The following ZC3H14 variants were observed in gnomAD, a reference collection of about 807,000 sequenced individuals.
ZC3H14 encodes zinc finger CCCH-type containing 14.
In ZC3H14, 31 loss-of-function variants were observed where a neutral mutation model predicts 92.4. That is an observed-to-expected ratio of 0.34 (90% confidence interval 0.25 to 0.45). The LOEUF (loss-of-function observed/expected upper bound fraction) is 0.45. Ranked by LOEUF, ZC3H14 falls within the 20% of genes least tolerant of loss-of-function variation. ZC3H14 has a pLI of 1.00. For missense variants in ZC3H14, 781 were observed against 897.3 expected, an observed-to-expected ratio of 0.87 and a Z score of 1.66; for synonymous variants, 321 against 300.9, an observed-to-expected ratio of 1.07 and a Z score of -0.69.
intron 9 of ZC3H14, among the ~76,000 whole-genome samples, chr14:88,586,353 A>G (rs1419791989): frequency 6.6e-6 from 1 of 152,156 alleles, no homozygotes; most frequent in Non-Finnish European, 1.5e-5. Flanking sequence ...TGGAAGTTTC[A>G]CTGAAACATG....
At chr14:88,595,918 C>G (rs1025924713) in intron 9 of ZC3H14, among the ~76,000 whole-genome samples, 8 of 152,278 alleles carry the variant, frequency 5.3e-5, no homozygotes, top group African/African-American at 1.9e-4. Context: ...TTATAATGAG[C>G]AAGTGAGTGC....
chr14:88,583,825 T>G (rs1220080967), intron 9 of ZC3H14, among the ~76,000 whole-genome samples: 2 of 152,246 alleles, frequency 1.3e-5, no homozygotes, highest in African/African-American at 4.8e-5. Flanking sequence ...TAGATAAAGC[T>G]CTACTGTTAA....
At position 88,594,477 on chromosome 14, in the gene ZC3H14, C is replaced by T. The variant is rs535701617; in HGVS notation, c.1280-2257C>T. On this transcript the variant is annotated intron_variant, in intron 9 of 16. Transcript: ENST00000251038. ...ACGTATTAGGGCTTCTTAGTTGTAG[C>T]GAAGAGCAATTGGTCTGGTACGTTT... is the stretch of plus-strand genomic sequence containing the variant. The T allele has an allele frequency of 2.0e-5, 27 of 1,319,320 alleles. No homozygotes were observed. The African/African-American group carries it at 2.7e-4, about 13-fold the overall frequency. The allele number at this position is 1,319,320 out of a possible 1,614,324, so 81.7% of individuals were successfully genotyped here.
At position 88,622,986 on chromosome 14, in the gene ZC3H14, A is replaced by T. The variant is rs1419820198; in HGVS notation, c.*11235A>T. 7.0e-6 allele frequency: 2 copies of T among 287,556 alleles called. No homozygotes were observed. Among genetic ancestry groups the T allele is most frequent in the Non-Finnish European group, 1.3e-5 (2 of 156,956 alleles). The allele number at this position is 287,556 out of a possible 1,614,324, so 17.8% of individuals were successfully genotyped here. On this transcript the variant is annotated 3_prime_UTR_variant, in exon 17 of 17. Coordinates refer to ENST00000251038, the MANE Select transcript of ZC3H14 (RefSeq NM_024824.5). Reference sequence around the variant, plus strand: ...CATAATTTTATTTAGCCTCTACAATACATTACAATACATTATCCTCTCTCA... The same window carrying T: ...CATAATTTTATTTAGCCTCTACAATTCATTACAATACATTATCCTCTCTCA...
At chr14:88,574,979 C>T in intron 7 of ZC3H14, 126 bp downstream of exon 7, 2 of 1,432,674 alleles carry the variant, frequency 1.4e-6, no homozygotes, top group South Asian at 2.5e-5. Context: ...CTCTGTCAAC[C>T]AGGCTGGAGT....
At position 88,613,575 on chromosome 14, in the gene ZC3H14, A is replaced by G. The variant is rs1228195715; in HGVS notation, c.*1824A>G. ...TTAAGAGTTTAATCTTTCAGTTGCT[A>G]TGGCTTATGAACAAGCTAAGGTTGA... On this transcript the variant is annotated 3_prime_UTR_variant, in exon 17 of 17. Transcript: ENST00000251038. 1 of 152,128 alleles carries G rather than the reference A, an allele frequency of 6.6e-6. No individual in the cohort carries two copies. The highest frequency in any genetic ancestry group is 6.5e-5 in the Admixed American group (1 of 15,270). 9.4% of individuals were successfully genotyped at this position (152,128 alleles called of 1,614,324 possible).
At position 88,622,922 on chromosome 14, in the gene ZC3H14, AATTTT is replaced by A. The variant is rs201284523; in HGVS notation, c.*11177_*11181del. On this transcript the variant is annotated 3_prime_UTR_variant, in exon 17 of 17. Transcript: ENST00000251038. ...TCAAAATAAACATCCAGTTTCAGTG[AATTTT>A]ATTTTGAGAAATACTCTTTTTTTCT... The A allele has an allele frequency of 0.017, 6,884 of 414,528 alleles. 113 individuals are homozygous for A. The highest frequency in any genetic ancestry group is 0.033 in the Middle Eastern group (51 of 1,568). 25.7% of individuals were successfully genotyped at this position (414,528 alleles called of 1,614,324 possible). A position where few individuals can be genotyped will look rare whatever the true frequency, so the allele number is the denominator to read the frequency against.
chr14:88,611,915 G>A lies in ZC3H14; in HGVS notation c.*164G>A, dbSNP rs1366007190. The stretch of plus-strand genomic sequence containing the variant: ...CTGAAGTGTCTAATTTTTCAAGTTT[G>A]TAAGTTTATTATGTGGTTTTAACAT... On this transcript the variant is annotated 3_prime_UTR_variant, in exon 17 of 17. Coordinates refer to ENST00000251038, the MANE Select transcript of ZC3H14 (RefSeq NM_024824.5). 1 of 965,254 alleles carries A rather than the reference G, an allele frequency of 1.0e-6. No individual in the cohort carries two copies. The highest frequency in any genetic ancestry group is 2.6e-5 in the East Asian group (1 of 37,800). The allele number at this position is 965,254 out of a possible 1,614,324, so 59.8% of individuals were successfully genotyped here.
rs757647343 is a variant in ZC3H14 at position 88,616,225 on chromosome 14, G to C, written c.*4474G>C. ...TTGTCACATGGGGCGAATGACCCAA[G>C]AACCTTTTGTGTTTTGCCTAAAAAA... On this transcript the variant is annotated 3_prime_UTR_variant, in exon 17 of 17. Coordinates refer to ENST00000251038, the MANE Select transcript of ZC3H14 (RefSeq NM_024824.5). The C allele has an allele frequency of 1.2e-6, 2 of 1,613,856 alleles. No individual in the cohort carries two copies. The highest frequency in any genetic ancestry group is 1.7e-6 in the Non-Finnish European group (2 of 1,179,792).
rs558449455 is a variant in ZC3H14, at chr14:88,615,710, T to C, written c.*3959T>C. 1.0e-6 allele frequency: 1 copy of C among 988,462 alleles called. No individual in the cohort carries two copies. The highest frequency in any genetic ancestry group is 1.6e-5 in the South Asian group (1 of 64,220). 61.2% of individuals were successfully genotyped at this position (988,462 alleles called of 1,614,324 possible). On this transcript the variant is annotated 3_prime_UTR_variant, in exon 17 of 17. Transcript: ENST00000251038. Reference sequence around the variant, plus strand: ...TTTGATGATTCTGGGCATTTCTCCCTGTTACAGTCTTGGGTTAGCACCACT... The same window carrying C: ...TTTGATGATTCTGGGCATTTCTCCCCGTTACAGTCTTGGGTTAGCACCACT...
At chr14:88,581,816 A>G (rs1268745977) in intron 9 of ZC3H14, among the ~76,000 whole-genome samples, 1 of 152,194 alleles carries the variant, frequency 6.6e-6, no homozygotes, top group African/African-American at 2.4e-5. Flanking sequence ...TAAATCCACA[A>G]TTTCATAATG....
chr14:88,595,726 A>C (rs1347655278), intron 9 of ZC3H14, among the ~76,000 whole-genome samples: 1 of 152,232 alleles, frequency 6.6e-6, no homozygotes, highest in Non-Finnish European at 1.5e-5. Flanking sequence ...ACACCTTTTA[A>C]TGAAATGTGG....
intron 6 of ZC3H14, among the ~76,000 whole-genome samples, chr14:88,574,120 T>C (rs1422430636): frequency 6.6e-6 from 1 of 152,240 alleles, no homozygotes; most frequent in Non-Finnish European, 1.5e-5. Flanking sequence ...GAGCAACCAA[T>C]TAACTCTGTT....
intron 9 of ZC3H14, among the ~76,000 whole-genome samples, chr14:88,583,530 A>T (rs569266123): frequency 6.6e-6 from 1 of 152,068 alleles, no homozygotes; most frequent in African/African-American, 2.4e-5. Flanking sequence ...TTAATTCATC[A>T]TGTTTTCATT....
chr14:88,615,587 C>T lies in ZC3H14; in HGVS notation c.*3836C>T, dbSNP rs916727408. ...GACTTGGCCTTTACCATCAAGTATT[C>T]GATCCTTCCTTGAAATGGCATTATC... On this transcript the variant is annotated 3_prime_UTR_variant, in exon 17 of 17. Transcript: ENST00000251038. 31 of 469,518 alleles carry T rather than the reference C, an allele frequency of 6.6e-5. 1 individual carries two copies. Among genetic ancestry groups the T allele is most frequent in the Admixed American group, 5.9e-4 (15 of 25,452 alleles). The allele number at this position is 469,518 out of a possible 1,614,324, so 29.1% of individuals were successfully genotyped here.
intron 1 of ZC3H14, 133 bp from the exon 2 acceptor site, chr14:88,563,518 G>T: frequency 6.4e-7 from 1 of 1,570,368 alleles, no homozygotes; most frequent in South Asian, 1.1e-5. Context: ...CGGTGCAGGC[G>T]AGGCTCCTCC....
intron 4 of ZC3H14, among the ~76,000 whole-genome samples, chr14:88,571,581 TTGG>T (rs2080399028): frequency 6.6e-6 from 1 of 152,164 alleles, no homozygotes; most frequent in Non-Finnish European, 1.5e-5. Context: ...TTTGAGATAA[TTGG>T]TGATTTTTAT....
rs749470122 is a variant in ZC3H14, at chr14:88,625,108, CCT to C, written c.*13358_*13359del. 6.2e-7 allele frequency: 1 copy of C among 1,613,628 alleles called. No individual in the cohort carries two copies. Among genetic ancestry groups the C allele is most frequent in the Non-Finnish European group, 8.5e-7 (1 of 1,179,796 alleles). On this transcript the variant is annotated 3_prime_UTR_variant, in exon 17 of 17. Transcript: ENST00000251038. ...CACACAGACATCACCACTGATGGTA[CCT>C]GTAAACGTCAAGTTATTCTGAAAAG... is the stretch of plus-strand genomic sequence containing the variant.
At chr14:88,575,463 CAGG>C (rs2081039841) in intron 7 of ZC3H14, among the ~76,000 whole-genome samples, 1 of 151,970 alleles carries the variant, frequency 6.6e-6, no homozygotes, top group South Asian at 2.1e-4. Flanking sequence ...GAGGCTGAGG[CAGG>C]AGGATTGCTT....
Sources: gnomAD v4.1 joint callset for allele counts (sites outside exome capture counted in the v4.1 genomes callset) on GRCh38, gnomAD v4.1.1 for gene constraint, MANE v1.5 for transcripts, NCBI Gene and HGNC (gene_info 2026-07-23, HGNC 2026-07-21) for gene names.